Variants in NAALADL2 observed in about 807,000 individuals in gnomAD.
NAALADL2 encodes the protein inactive N-acetylated-alpha-linked acidic dipeptidase-like protein 2.
A neutral mutation model predicts 87.2 loss-of-function variants in NAALADL2; 76 were observed. The observed-to-expected ratio is 0.87, with a 90% CI of 0.72 to 1.05. The LOEUF is 1.05. Among genes scored for constraint, NAALADL2 ranks in the 50% least tolerant of loss-of-function variants. NAALADL2 has a pLI of 0.00. For missense variants in NAALADL2, 1,089 were observed against 945.8 expected, an observed-to-expected ratio of 1.15 and a Z score of -1.99; for synonymous variants, 354 against 331.0, an observed-to-expected ratio of 1.07 and a Z score of -0.75.
At chr3:174,840,782 G>A (rs542170425) in intron 3 of NAALADL2, among the ~76,000 whole-genome samples, 15 of 152,098 alleles carry the variant, frequency 9.9e-5, no homozygotes, top group South Asian at 6.2e-4. Context: ...TCTGGCCACC[G>A]TAGGAAAGAC....
At chr3:175,628,003 T>G (rs570181094) in intron 11 of NAALADL2, among the ~76,000 whole-genome samples, 3 of 151,878 alleles carry the variant, frequency 2.0e-5, no homozygotes, top group African/African-American at 7.2e-5. Context: ...AAGACCGCAT[T>G]GATAGTAAGA....
chr3:175,402,322 T>C (rs1770662520), intron 5 of NAALADL2, among the ~76,000 whole-genome samples: 1 of 152,072 alleles, frequency 6.6e-6, no homozygotes, highest in African/African-American at 2.4e-5. Context: ...ATCACAAATA[T>C]GAGCTGATTA....
At chr3:174,814,344 T>C (rs932802231) in intron 3 of NAALADL2, among the ~76,000 whole-genome samples, 1 of 152,040 alleles carries the variant, frequency 6.6e-6, no homozygotes, top group African/African-American at 2.4e-5. Context: ...CCTGACCTCG[T>C]GATCCGCCCG....
chr3:175,108,824 ATATT>A (rs1181978714), intron 2 of NAALADL2, among the ~76,000 whole-genome samples: 1 of 151,910 alleles, frequency 6.6e-6, no homozygotes, highest in Non-Finnish European at 1.5e-5. Context: ...AGATAGACAA[ATATT>A]TATTCTATTC....
intron 3 of NAALADL2, among the ~76,000 whole-genome samples, chr3:174,821,604 G>A (rs556532627): frequency 1.3e-5 from 2 of 152,118 alleles, no homozygotes; most frequent in African/African-American, 4.8e-5. Flanking sequence ...AGTCTAGCTA[G>A]GCCTGGAGGA....
intron 9 of NAALADL2, among the ~76,000 whole-genome samples, chr3:175,474,261 A>G (rs1725316271): frequency 6.6e-6 from 1 of 152,226 alleles, no homozygotes; most frequent in Non-Finnish European, 1.5e-5. Flanking sequence ...TCAAGTTCAT[A>G]TAATAGATTT....
chr3:175,525,852 C>G (rs1340998555), intron 9 of NAALADL2, among the ~76,000 whole-genome samples: 1 of 152,052 alleles, frequency 6.6e-6, no homozygotes. Context: ...ACTTTTATGG[C>G]AATGACCTGG....
intron 3 of NAALADL2, among the ~76,000 whole-genome samples, chr3:174,818,387 G>A (rs963654627): frequency 1.9e-4 from 29 of 152,042 alleles, no homozygotes; most frequent in African/African-American, 6.8e-4. Context: ...ACATACCTCT[G>A]TTTGGGGCCT....
chr3:175,575,459 A>G (rs1017882622), intron 9 of NAALADL2, among the ~76,000 whole-genome samples: 7 of 151,770 alleles, frequency 4.6e-5, no homozygotes, highest in African/African-American at 1.7e-4. Flanking sequence ...TAATTTTTCT[A>G]TTTTTAGTAG....
chr3:175,190,573 G>A (rs968922406), intron 2 of NAALADL2, among the ~76,000 whole-genome samples: 13 of 152,142 alleles, frequency 8.5e-5, no homozygotes, highest in African/African-American at 1.9e-4. Context: ...GAAGAAAAGA[G>A]GACTCTTGAT....
At chr3:175,038,022 G>T (rs1312686358) in intron 1 of NAALADL2, among the ~76,000 whole-genome samples, 1 of 152,116 alleles carries the variant, frequency 6.6e-6, no homozygotes. Flanking sequence ...ATCAGAAATT[G>T]TAGATTCTTA....
intron 13 of NAALADL2, among the ~76,000 whole-genome samples, chr3:175,790,207 CTAGA>C (rs200977852): frequency 0.028 from 4,311 of 152,148 alleles, 76 homozygotes; most frequent in South Asian, 0.059. Flanking sequence ...ATAAAATTGG[CTAGA>C]TAATCTTCAG....
chr3:175,268,847 A>G (rs529396377), intron 4 of NAALADL2, among the ~76,000 whole-genome samples: 164 of 152,256 alleles, frequency 1.1e-3, no homozygotes, highest in African/African-American at 3.8e-3. Context: ...GGACAGTAAC[A>G]TGCATGGAGC....
chr3:174,861,769 T>C (rs1726536530), intron 1 of NAALADL2, among the ~76,000 whole-genome samples: 1 of 152,110 alleles, frequency 6.6e-6, no homozygotes, highest in African/African-American at 2.4e-5. Flanking sequence ...TATCAATGAT[T>C]ATTCATCACA....
At chr3:174,621,558 C>A (rs1286119707) in intron 2 of NAALADL2, among the ~76,000 whole-genome samples, 1 of 152,098 alleles carries the variant, frequency 6.6e-6, no homozygotes, top group East Asian at 1.9e-4. Flanking sequence ...ATATAGACCT[C>A]ATGTAATGAG....
At chr3:175,012,062 G>T (rs1670834971) in intron 1 of NAALADL2, among the ~76,000 whole-genome samples, 1 of 152,106 alleles carries the variant, frequency 6.6e-6, no homozygotes, top group Non-Finnish European at 1.5e-5. Context: ...GTTAAGTTTG[G>T]GCATGCTGAG....
intron 2 of NAALADL2, among the ~76,000 whole-genome samples, chr3:174,712,952 C>G (rs550993912): frequency 1.3e-4 from 20 of 152,198 alleles, no homozygotes; most frequent in Non-Finnish European, 2.1e-4. Flanking sequence ...ATGCCTCCCC[C>G]CTCCCCCAAC....
chr3:175,649,785 G>A (rs1356202482), intron 11 of NAALADL2, among the ~76,000 whole-genome samples: 3 of 152,016 alleles, frequency 2.0e-5, no homozygotes, highest in African/African-American at 7.2e-5. Context: ...AGGCATACTG[G>A]TGGTTAGGAT....
chr3:175,290,242 G>T (rs986813192), intron 4 of NAALADL2, among the ~76,000 whole-genome samples: 1 of 152,122 alleles, frequency 6.6e-6, no homozygotes, highest in African/African-American at 2.4e-5. Flanking sequence ...ATTCATAAAA[G>T]CCCCATACTG....
Sources: gnomAD v4.1 joint callset for allele counts (sites outside exome capture counted in the v4.1 genomes callset) on GRCh38, gnomAD v4.1.1 for gene constraint, MANE v1.5 for transcripts, NCBI Gene and HGNC (gene_info 2026-07-23, HGNC 2026-07-21) for gene names.